The following DZIP3 variants were observed in gnomAD, a reference collection of about 807,000 sequenced individuals.
DZIP3 encodes DAZ interacting zinc finger protein 3.
DZIP3 carries 118 observed loss-of-function variants against 162.0 expected under a neutral mutation model. The observed-to-expected ratio is 0.73, with a 90% CI of 0.63 to 0.85. The LOEUF is 0.85. Among genes scored for constraint, DZIP3 ranks in the 40% least tolerant of loss-of-function variants. The pLI is 0.00. For synonymous variants in DZIP3, 438 were observed against 458.6 expected, an observed-to-expected ratio of 0.96 and a Z score of 0.57; for missense variants, 1,331 against 1,407.0, an observed-to-expected ratio of 0.95 and a Z score of 0.86.
At position 108,684,173 on chromosome 3, in the gene DZIP3, G is replaced by GA. The variant is rs752185217; in HGVS notation, c.2884-43_2884-42insA. The GA allele has an allele frequency of 6.2e-6, 8 of 1,291,658 alleles. 1 individual carries two copies. In the South Asian group the frequency reaches 1.2e-4, roughly 20 times the overall value. The allele number at this position is 1,291,658 out of a possible 1,614,324, so 80.0% of individuals were successfully genotyped here. A position where few individuals can be genotyped will look rare whatever the true frequency, so the allele number is the denominator to read the frequency against. On this transcript the variant is annotated intron_variant, in intron 26 of 32. Coordinates refer to ENST00000361582, the MANE Select transcript of DZIP3 (RefSeq NM_014648.4). ...TGCCTAAATAAATATATAAATATGT[G>GA]GGGGGGGGTGTTGTTTATTATTGTT... is the stretch of plus-strand genomic sequence containing the variant.
Position 108,687,964 on chromosome 3 carries a change from G to C in DZIP3, c.3150-12G>C, listed in dbSNP as rs1944553072. 2 of 1,613,192 alleles carry C rather than the reference G, an allele frequency of 1.2e-6. No individual in the cohort carries two copies. The highest frequency in any genetic ancestry group is 1.3e-5 in the African/African-American group (1 of 74,980). On this transcript the variant is annotated splice_polypyrimidine_tract_variant and intron_variant, in intron 28 of 32. Transcript: ENST00000361582. ...ATCATTACTGCCCTTTCCTTTCCTT[G>C]ATCTCTTGCAGAAAGGAACTTACAG...
At chr3:108,661,226 G>A (rs919119213) in intron 19 of DZIP3, among the ~76,000 whole-genome samples, 1 of 152,124 alleles carries the variant, frequency 6.6e-6, no homozygotes, top group African/African-American at 2.4e-5. Context: ...CAAAGACTTG[G>A]AACCAACCCA....
At chr3:108,607,167 G>C (rs1343102958) in intron 2 of DZIP3, among the ~76,000 whole-genome samples, 2 of 152,136 alleles carry the variant, frequency 1.3e-5, no homozygotes, top group Non-Finnish European at 2.9e-5. Flanking sequence ...ATTGTGAAAT[G>C]TTGGCATGTG....
chr3:108,593,002 C>T (rs139569077), intron 1 of DZIP3, among the ~76,000 whole-genome samples: 67 of 152,026 alleles, frequency 4.4e-4, no homozygotes, highest in African/African-American at 1.6e-3. Context: ...AGTGTTTTAA[C>T]ACAGTATAAT....
chr3:108,591,863 G>A (rs1686681776), intron 1 of DZIP3, among the ~76,000 whole-genome samples: 1 of 151,958 alleles, frequency 6.6e-6, no homozygotes, highest in Non-Finnish European at 1.5e-5. Context: ...GGGCATGGGT[G>A]TGCTCACTTG....
At chr3:108,597,973 CATT>C (rs1304283793) in intron 1 of DZIP3, among the ~76,000 whole-genome samples, 1 of 152,086 alleles carries the variant, frequency 6.6e-6, no homozygotes, top group Non-Finnish European at 1.5e-5. Context: ...TTGTCCATTT[CATT>C]GTTTATTTCA....
chr3:108,657,615 AC>A (rs1435337889), intron 19 of DZIP3, among the ~76,000 whole-genome samples: 3 of 152,048 alleles, frequency 2.0e-5, no homozygotes, highest in Admixed American at 1.3e-4. Context: ...CATCATAATG[AC>A]AGGATCAAAT....
intron 21 of DZIP3, among the ~76,000 whole-genome samples, chr3:108,668,855 A>C (rs1268105860): frequency 6.6e-6 from 1 of 151,916 alleles, no homozygotes; most frequent in East Asian, 1.9e-4. Context: ...TTCCAACCAA[A>C]ACTCTTCCAT....
At chr3:108,681,554 A>G (rs1026413315) in intron 26 of DZIP3, among the ~76,000 whole-genome samples, 1 of 152,114 alleles carries the variant, frequency 6.6e-6, no homozygotes, top group Non-Finnish European at 1.5e-5. Context: ...CAGAAATACC[A>G]TTTGACTCAG....
intron 21 of DZIP3, among the ~76,000 whole-genome samples, chr3:108,663,931 T>C (rs915831213): frequency 6.6e-6 from 1 of 152,192 alleles, no homozygotes; most frequent in Non-Finnish European, 1.5e-5. Flanking sequence ...ATGGAGAGTG[T>C]AGATTAACAT....
At chr3:108,648,335 T>C (rs1252990282) in intron 16 of DZIP3, 1 of 406,314 alleles carries the variant, frequency 2.5e-6, no homozygotes, top group Non-Finnish European at 4.3e-6. Flanking sequence ...TAAACACTTA[T>C]GTGGCAGGCA....
At chr3:108,684,181 GT>G in intron 26 of DZIP3, 34 bp from the exon 27 acceptor site, 3 of 1,567,320 alleles carry the variant, frequency 1.9e-6, no homozygotes, top group Non-Finnish European at 1.7e-6. Context: ...GTGGGGGGGG[GT>G]GTTGTTTATT....
intron 5 of DZIP3, among the ~76,000 whole-genome samples, chr3:108,623,684 T>C (rs1368700932): frequency 2.0e-5 from 3 of 152,152 alleles, no homozygotes; most frequent in Non-Finnish European, 2.9e-5. Flanking sequence ...ATCCACTGGC[T>C]CCAAGCCCAG....
chr3:108,611,982 C>G (rs1244163775), intron 4 of DZIP3, among the ~76,000 whole-genome samples: 1 of 150,628 alleles, frequency 6.6e-6, no homozygotes, highest in Non-Finnish European at 1.5e-5. Context: ...AAAAAGTTGA[C>G]ACATTTGTCA....
intron 19 of DZIP3, among the ~76,000 whole-genome samples, chr3:108,660,149 A>G (rs1943351674): frequency 1.3e-5 from 2 of 152,186 alleles, no homozygotes; most frequent in Admixed American, 1.3e-4. Flanking sequence ...TTTAAAGTTC[A>G]TATGGAACCA....
At chr3:108,659,959 C>G (rs1369109063) in intron 19 of DZIP3, among the ~76,000 whole-genome samples, 2 of 151,990 alleles carry the variant, frequency 1.3e-5, no homozygotes, top group Non-Finnish European at 2.9e-5. Flanking sequence ...TCAAGGAGAA[C>G]TACAAACCAC....
At chr3:108,658,721 C>T (rs1422337208) in intron 19 of DZIP3, among the ~76,000 whole-genome samples, 1 of 151,720 alleles carries the variant, frequency 6.6e-6, no homozygotes, top group Non-Finnish European at 1.5e-5. Context: ...TTGAAAAGAT[C>T]AACAAAATTG....
In DZIP3 at chr3:108,674,139, A is replaced by G. The variant is rs1944017514; in HGVS notation, c.2651A>G (p.Glu884Gly). ...GLLHLEQTEK[E>G]CLNQLARVTH... ...CTTCATCTAGAGCAGACTGAAAAGG[A>G]ATGTCTCAATCAGCTTGCCAGGGTG... Residue 884 changes from glutamate (E) to glycine (G), a missense_variant, in exon 24 of 33, where the codon GAA becomes GGA. Physicochemically the swap from Glu to Gly is moderately conservative, Grantham distance 98. Transcript: ENST00000361582. 2 of 1,612,388 alleles carry G rather than the reference A, an allele frequency of 1.2e-6. No individual in the cohort carries two copies. Among genetic ancestry groups the G allele is most frequent in the East Asian group, 4.5e-5 (2 of 44,832 alleles).
chr3:108,611,746 AC>A (rs1170332096), intron 4 of DZIP3, among the ~76,000 whole-genome samples: 1 of 152,106 alleles, frequency 6.6e-6, no homozygotes, highest in Non-Finnish European at 1.5e-5. Flanking sequence ...TGAGTGGATC[AC>A]TGAGGTCAGG....
Sources: gnomAD v4.1 joint callset for allele counts (sites outside exome capture counted in the v4.1 genomes callset) on GRCh38, gnomAD v4.1.1 for gene constraint, MANE v1.5 for transcripts, NCBI Gene and HGNC (gene_info 2026-07-23, HGNC 2026-07-21) for gene names.